KIF1B: variants seen among roughly 807,000 people sequenced by gnomAD.
KIF1B encodes kinesin-like protein KIF1B.
A neutral mutation model predicts 241.9 loss-of-function variants in KIF1B; 76 were observed. The ratio of observed to expected loss-of-function variants is 0.31; its 90% CI spans 0.26 to 0.38. KIF1B has a LOEUF of 0.38. Among genes scored for constraint, KIF1B ranks in the 10% least tolerant of loss-of-function variants. The pLI, the probability that KIF1B is intolerant of heterozygous loss-of-function variation, is 1.00. For missense variants in KIF1B, 1,622 were observed against 2,271.4 expected, an observed-to-expected ratio of 0.71 and a Z score of 5.81; for synonymous variants, 750 against 796.7, an observed-to-expected ratio of 0.94 and a Z score of 0.99.
chr1:10,286,100 C>T (rs1240595848), intron 15 of KIF1B, among the ~76,000 whole-genome samples: 7 of 151,820 alleles, frequency 4.6e-5, no homozygotes, highest in South Asian at 2.1e-4. Flanking sequence ...AGTGCAGTGA[C>T]GCGATCTCGG....
Position 10,237,848 on chromosome 1 carries a change from A to T in KIF1B, c.106+5414A>T, listed in dbSNP as rs535446407. On this transcript the variant is annotated intron_variant, in intron 2 of 48. Coordinates refer to ENST00000676179, the MANE Select transcript of KIF1B (RefSeq NM_001365951.3). ...ATGGCGAAACCCTGTCTCTACAAAAAATACAAAAAAGCTAGCTGGGTGTGG... is the reference window on the plus strand; with the variant it reads ...ATGGCGAAACCCTGTCTCTACAAAATATACAAAAAAGCTAGCTGGGTGTGG... 6.5e-4 allele frequency among the ~76,000 whole-genome samples: 98 copies of T among 151,816 alleles called. 1 individual carries two copies. The highest frequency in any genetic ancestry group is 2.3e-3 in the African/African-American group (94 of 41,374).
chr1:10,275,063 C>T (rs1649027705), intron 10 of KIF1B: 4 of 336,240 alleles, frequency 1.2e-5, no homozygotes, highest in Middle Eastern at 4.1e-4. Flanking sequence ...ATGAGGTCCG[C>T]AACTGACTTC....
intron 2 of KIF1B, among the ~76,000 whole-genome samples, chr1:10,239,868 C>A (rs1024796092): frequency 3.3e-5 from 5 of 151,726 alleles, no homozygotes. Flanking sequence ...TGGGTTCATG[C>A]CATTCTCCTG....
chr1:10,228,154 C>T (rs1646934560), intron 1 of KIF1B, among the ~76,000 whole-genome samples: 1 of 151,790 alleles, frequency 6.6e-6, no homozygotes, highest in Non-Finnish European at 1.5e-5. Flanking sequence ...CACTGCACTC[C>T]AGCCTGACCT....
intron 2 of KIF1B, among the ~76,000 whole-genome samples, chr1:10,239,856 C>T (rs6675322): frequency 5.6e-4 from 85 of 152,182 alleles, no homozygotes; most frequent in African/African-American, 2.0e-3. Context: ...AGCTCTGCCT[C>T]CTGGGTTCAT....
At chr1:10,372,447 G>A (rs1638756884) in intron 45 of KIF1B, among the ~76,000 whole-genome samples, 2 of 151,654 alleles carry the variant, frequency 1.3e-5, no homozygotes, top group Admixed American at 1.3e-4. Flanking sequence ...CACATGGGAG[G>A]ATTGCTTGAG....
rs187109944 is a variant in KIF1B at position 10,220,532 on chromosome 1, A to G, written c.-80+9654A>G. On this transcript the variant is annotated intron_variant, in intron 1 of 48. Coordinates refer to ENST00000676179, the MANE Select transcript of KIF1B (RefSeq NM_001365951.3). ...AAATAAAATAAAAAATAAACAGGGC[A>G]GTGATGCATGCCTATAGTACCCAGC... 2.8e-4 allele frequency among the ~76,000 whole-genome samples: 43 copies of G among 152,228 alleles called. 1 individual carries two copies. Among genetic ancestry groups the G allele is most frequent in the African/African-American group, 9.9e-4 (41 of 41,556 alleles).
Position 10,326,750 on chromosome 1 carries a change from G to C in KIF1B, c.2924+391G>C, listed in dbSNP as rs1651737644. On this transcript the variant is annotated intron_variant, in intron 27 of 48. Coordinates refer to ENST00000676179, the MANE Select transcript of KIF1B (RefSeq NM_001365951.3). This position sits in a 1 kb window ranked among gnomAD's most constrained non-coding sequence, Gnocchi z 5.2. ...TTTTTAAAGGATTGTGATTGAAAAA[G>C]CATATGGAGGTAACATGAGAGAGGG... Among the ~76,000 whole-genome samples the C allele has an allele frequency of 6.6e-6, 1 of 152,188 alleles. No homozygotes were observed. The highest frequency in any genetic ancestry group is 1.5e-5 in the Non-Finnish European group (1 of 68,036).
chr1:10,352,146 T>C (rs1314355506), intron 37 of KIF1B, among the ~76,000 whole-genome samples: 1 of 148,530 alleles, frequency 6.7e-6, no homozygotes, highest in Non-Finnish European at 1.5e-5. Flanking sequence ...GGTCAGAAGT[T>C]GCTGTTAGGT....
chr1:10,339,705 G>T, intron 31 of KIF1B, 64 bp from the exon 32 acceptor site: 1 of 1,385,958 alleles, frequency 7.2e-7, no homozygotes, highest in Non-Finnish European at 1.0e-6. Context: ...TTGGGCTCTT[G>T]AAAGAGATTC....
chr1:10,378,635 A>G lies in KIF1B; in HGVS notation c.*2048A>G. 2 of 571,508 alleles carry G rather than the reference A, an allele frequency of 3.5e-6. No individual in the cohort carries two copies. Among genetic ancestry groups the G allele is most frequent in the East Asian group, 2.9e-5 (1 of 34,138 alleles). The allele number at this position is 571,508 out of a possible 1,614,324, so 35.4% of individuals were successfully genotyped here. On this transcript the variant is annotated 3_prime_UTR_variant, in exon 49 of 49. Coordinates refer to ENST00000676179, the MANE Select transcript of KIF1B (RefSeq NM_001365951.3). ...TGGATGACTTCCCGCTTCACGCAGC[A>G]AAGGCCAGGGGCTTGCGCGCCTCTG...
chr1:10,227,480 A>G lies in KIF1B; in HGVS notation c.-79-4770A>G, dbSNP rs1015214083. On this transcript the variant is annotated intron_variant, in intron 1 of 48. Coordinates refer to ENST00000676179, the MANE Select transcript of KIF1B (RefSeq NM_001365951.3). ...CATCTAAGTTGCTTCTTTCCTCCCT[A>G]TATGTCTTCTAAACTGGTAGTCAGA... is the stretch of plus-strand genomic sequence containing the variant. 5.9e-5 allele frequency among the ~76,000 whole-genome samples: 9 copies of G among 152,112 alleles called. No individual in the cohort carries two copies. The South Asian group carries it at 1.7e-3, about 28-fold the overall frequency.
Position 10,376,567 on chromosome 1 carries a change from C to A in KIF1B, c.5431C>A (p.Pro1811Thr), listed in dbSNP as rs1418951747. The A allele has an allele frequency of 6.2e-7, 1 of 1,614,086 alleles. No homozygotes were observed. Among genetic ancestry groups the A allele is most frequent in the Non-Finnish European group, 8.5e-7 (1 of 1,179,956 alleles). ...TIRSKLSRRC[P>T]SQSKY ...TAGGTCAAAGCTTTCCCGCAGATGCCCGAGCCAGTCGAAATACTAAGTGAC... is the reference window on the plus strand; with the variant it reads ...TAGGTCAAAGCTTTCCCGCAGATGCACGAGCCAGTCGAAATACTAAGTGAC... Residue 1811 changes from proline (P) to threonine (T), a missense_variant, in exon 49 of 49, where the codon CCG (proline) becomes ACG (threonine). Around this residue, in one of 7 missense-constraint regions of KIF1B, gnomAD observed 357 missense variants for 409.0 expected, o/e 0.87. Coordinates refer to ENST00000676179, the MANE Select transcript of KIF1B (RefSeq NM_001365951.3).
intron 12 of KIF1B, among the ~76,000 whole-genome samples, chr1:10,277,261 C>G (rs968864910): frequency 6.7e-6 from 1 of 150,118 alleles, no homozygotes; most frequent in Non-Finnish European, 1.5e-5. Context: ...GCCCAGGCAA[C>G]GTAGTGAGAC....
chr1:10,363,561 C>T (rs773164084), intron 41 of KIF1B, among the ~76,000 whole-genome samples: 3 of 151,846 alleles, frequency 2.0e-5, no homozygotes, highest in African/African-American at 2.4e-5. Context: ...GGTGTGGTGG[C>T]GCGTGCCTGT....
Position 10,303,341 on chromosome 1 carries a change from A to G in KIF1B, c.2115+6095A>G, listed in dbSNP as rs770815424. 7.4e-6 allele frequency: 12 copies of G among 1,614,226 alleles called. No homozygotes were observed. The East Asian group carries it at 2.7e-4, about 36-fold the overall frequency. ...CCAATTAAAATGTATCAGATACCCC[A>G]AAGAAGGCGCTTGAGTAAAGATTCC... On this transcript the variant is annotated intron_variant, in intron 22 of 48. Transcript: ENST00000676179. This position sits in a 1 kb window ranked among gnomAD's most constrained non-coding sequence, Gnocchi z 5.2.
intron 14 of KIF1B, among the ~76,000 whole-genome samples, chr1:10,281,169 T>A (rs141846661): frequency 6.6e-6 from 1 of 152,148 alleles, no homozygotes; most frequent in East Asian, 1.9e-4. Flanking sequence ...GGAGAACTAA[T>A]AGTATTTTTT....
chr1:10,296,453 C>T (rs1202570128), intron 19 of KIF1B, 129 bp from the exon 20 acceptor site: 1 of 778,134 alleles, frequency 1.3e-6, no homozygotes, highest in East Asian at 2.8e-5. Context: ...ACTGTATAGA[C>T]AACTTCAGCC....
Position 10,378,813 on chromosome 1 carries a change from A to C in KIF1B, c.*2226A>C, listed in dbSNP as rs1012343412. 8.0e-6 allele frequency: 2 copies of C among 251,560 alleles called. No homozygotes were observed. Among genetic ancestry groups the C allele is most frequent in the Middle Eastern group, 1.2e-3 (1 of 850 alleles). 15.6% of individuals were successfully genotyped at this position (251,560 alleles called of 1,614,324 possible). On this transcript the variant is annotated 3_prime_UTR_variant, in exon 49 of 49. Transcript: ENST00000676179. ...AAGTGAATCACGGAGAGAGAAAGGA[A>C]AGGATAGAATCACAGGCTGCGTCTG...
Sources: gnomAD v4.1 joint callset for allele counts (sites outside exome capture counted in the v4.1 genomes callset) on GRCh38, gnomAD v4.1.1 for gene constraint, gnomAD v4.1.1 regional missense constraint, Gnocchi (gnomAD v3.1) non-coding constraint, MANE v1.5 for transcripts, NCBI Gene and HGNC (gene_info 2026-07-23, HGNC 2026-07-21) for gene names.